VPS13A: variants seen among roughly 807,000 people sequenced by gnomAD.
VPS13A encodes the protein vacuolar protein sorting 13 homolog A, also known as intermembrane lipid transfer protein VPS13A.
A neutral mutation model predicts 390.9 loss-of-function variants in VPS13A; 264 were observed. The observed-to-expected ratio is 0.68, with a 90% CI of 0.61 to 0.75. The LOEUF (loss-of-function observed/expected upper bound fraction) is 0.75. VPS13A is among the 30% of genes least tolerant of loss of function. VPS13A has a pLI of 0.00. For missense variants in VPS13A, 3,409 were observed against 3,733.9 expected, an observed-to-expected ratio of 0.91 and a Z score of 2.27; for synonymous variants, 1,231 against 1,227.1, an observed-to-expected ratio of 1.00 and a Z score of -0.07.
At chr9:77,337,052 C>T (rs1830576942) in intron 46 of VPS13A, among the ~76,000 whole-genome samples, 1 of 151,984 alleles carries the variant, frequency 6.6e-6, no homozygotes, top group African/African-American at 2.4e-5. Context: ...CCGTCTCGGC[C>T]TCCCAAAGTG....
Position 77,209,510 on chromosome 9 carries a change from T to C in VPS13A, c.473T>C (p.Ile158Thr). 4 of 1,599,526 alleles carry C rather than the reference T, an allele frequency of 2.5e-6. No individual in the cohort carries two copies. The highest frequency in any genetic ancestry group is 3.4e-6 in the Non-Finnish European group (4 of 1,167,822). ...AATCTTCAGGTGAAAATTTCCAGTA[T>C]CCATATTCGTTATGAAGATGATGTA... Reference protein sequence around the residue: ...IKNLQVKISSIHIRYEDDITN... With the variant: ...IKNLQVKISSTHIRYEDDITN... Residue 158 changes from isoleucine (I) to threonine (T), a missense_variant, in exon 6 of 72, where the codon ATC becomes ACC. By Grantham distance (89) the Ile-to-Thr change is moderately conservative. Transcript: ENST00000360280.
rs1242639262 is a variant in VPS13A, at chr9:77,365,482, T to C, written c.8234T>C (p.Ile2745Thr). 8 of 1,610,494 alleles carry C rather than the reference T, an allele frequency of 5.0e-6. No individual in the cohort carries two copies. Among genetic ancestry groups the C allele is most frequent in the Admixed American group, 1.7e-5 (1 of 59,964 alleles). ...NTEVELFHKD[I>T]EAFKEEYKTA... is the part of the protein sequence containing the mutation. ...TAGGTTGAGCTTTTTCATAAAGATATAGAAGCTTTCAAAGAAGAATATAAA... is the reference window on the plus strand; with the variant it reads ...TAGGTTGAGCTTTTTCATAAAGATACAGAAGCTTTCAAAGAAGAATATAAA... Residue 2745 changes from isoleucine to threonine, a missense_variant, in exon 60 of 72, where the codon ATA (isoleucine) becomes ACA (threonine). By Grantham distance (89) the Ile-to-Thr change is moderately conservative. Around this residue, in one of 5 missense-constraint regions of VPS13A, gnomAD observed 123 missense variants for 118.7 expected, o/e 1.04. Coordinates refer to ENST00000360280, the MANE Select transcript of VPS13A (RefSeq NM_033305.3).
At chr9:77,388,225 G>A (rs1327997555) in intron 68 of VPS13A, among the ~76,000 whole-genome samples, 1 of 152,134 alleles carries the variant, frequency 6.6e-6, no homozygotes, top group Non-Finnish European at 1.5e-5. Flanking sequence ...AATTAAGAAT[G>A]CTTACACTGT....
chr9:77,321,609 T>C lies in VPS13A; in HGVS notation c.5693T>C (p.Val1898Ala). Residue 1898 changes from valine (V) to alanine (A), a missense_variant, in exon 44 of 72, where the codon GTA becomes GCA. Physicochemically the swap from Val to Ala is moderately conservative, Grantham distance 64. This residue lies in a region of VPS13A where 2,717 missense variants were observed against 2,917.4 expected (regional missense o/e 0.93). Transcript: ENST00000360280. ...GTTTCGCCAAGTGATTCTTTTAGTG[T>C]ACTCAACATTCCTATGGCAAAATCA... is the stretch of plus-strand genomic sequence containing the variant. Reference protein sequence around the residue: ...ISVSPSDSFSVLNIPMAKSYV... With the variant: ...ISVSPSDSFSALNIPMAKSYV... 1 of 1,613,466 alleles carries C rather than the reference T, an allele frequency of 6.2e-7. No homozygotes were observed.
At chr9:77,232,740 A>C (rs1823907597) in intron 17 of VPS13A, among the ~76,000 whole-genome samples, 1 of 152,120 alleles carries the variant, frequency 6.6e-6, no homozygotes. Context: ...ACCTCATGAG[A>C]CTTATTCACT....
rs1355926174 is a variant in VPS13A at position 77,370,494 on chromosome 9, C to T, written c.8823C>T (p.Tyr2941=). ...CAGCTATGACCATGGATGAAGACTA[C>T]CAACAGAAGAGAAGAGAAGCCATGA... ...GVAAMTMDED[Y]QQKRREAMNK... The change falls in exon 65 of 72, where the codon TAC becomes TAT. Residue 2941 remains tyrosine (Y), a synonymous_variant. Transcript: ENST00000360280. 1 of 1,614,012 alleles carries T rather than the reference C, an allele frequency of 6.2e-7. No homozygotes were observed. The highest frequency in any genetic ancestry group is 1.3e-5 in the African/African-American group (1 of 74,892).
At chr9:77,248,453 A>G (rs1005182825) in intron 20 of VPS13A, among the ~76,000 whole-genome samples, 5 of 151,774 alleles carry the variant, frequency 3.3e-5, no homozygotes, top group African/African-American at 1.2e-4. Context: ...CTCCTGACCT[A>G]GTGATCTGCC....
chr9:77,408,441 G>T (rs1022510615), intron 71 of VPS13A, among the ~76,000 whole-genome samples: 1 of 152,200 alleles, frequency 6.6e-6, no homozygotes, highest in Non-Finnish European at 1.5e-5. Flanking sequence ...TCGGAAAGTG[G>T]GTGCAGGACA....
intron 33 of VPS13A, among the ~76,000 whole-genome samples, chr9:77,302,463 C>T (rs565038457): frequency 4.9e-4 from 73 of 149,516 alleles, no homozygotes; most frequent in Admixed American, 2.3e-3. Context: ...ACCTCCACCT[C>T]CCAGGTTCAA....
In VPS13A at chr9:77,411,112, C is replaced by G. The variant is rs1385207697; in HGVS notation, c.9474+3505C>G. ...TCTCTCAGACCATAGTGCAATCAAA[C>G]TAGAACTCAGGATTAAGAAACTCAC... is the stretch of plus-strand genomic sequence containing the variant. On this transcript the variant is annotated intron_variant, in intron 71 of 71. Transcript: ENST00000360280. Among the ~76,000 whole-genome samples the G allele has an allele frequency of 2.0e-5, 3 of 152,120 alleles. No individual in the cohort carries two copies. The East Asian group carries it at 5.8e-4, about 29-fold the overall frequency.
At chr9:77,343,823 G>A (rs1830980304) in intron 50 of VPS13A, among the ~76,000 whole-genome samples, 1 of 152,112 alleles carries the variant, frequency 6.6e-6, no homozygotes, top group Admixed American at 6.5e-5. Context: ...CTGATCATCT[G>A]TGTCCCAGTT....
At chr9:77,212,388 C>G (rs578067706) in intron 7 of VPS13A, among the ~76,000 whole-genome samples, 1 of 152,120 alleles carries the variant, frequency 6.6e-6, no homozygotes, top group Admixed American at 6.5e-5. Context: ...CCCTGTCGAC[C>G]TTAGAATCAA....
At chr9:77,399,871 T>G (rs1834294216) in intron 68 of VPS13A, among the ~76,000 whole-genome samples, 1 of 152,322 alleles carries the variant, frequency 6.6e-6, no homozygotes, top group South Asian at 2.1e-4. Flanking sequence ...TACAAATATA[T>G]GTACATGTAT....
In VPS13A at chr9:77,406,000, G is replaced by C; in HGVS notation, c.9399+13G>C. ...CATTGAAGCAAAGGTATGTTGAATA[G>C]ATTTATTTTTTGAAAACTTGGAACT... On this transcript the variant is annotated intron_variant, in intron 70 of 71. Transcript: ENST00000360280. The C allele has an allele frequency of 6.2e-7, 1 of 1,613,064 alleles. No homozygotes were observed. The highest frequency in any genetic ancestry group is 1.1e-5 in the South Asian group (1 of 91,076).
intron 70 of VPS13A, among the ~76,000 whole-genome samples, chr9:77,407,287 C>CAATT (rs1834666338): frequency 1.3e-5 from 2 of 152,262 alleles, no homozygotes; most frequent in African/African-American, 4.8e-5. Context: ...ATGGCATTAG[C>CAATT]AATTAAAATA....
At chr9:77,203,480 G>T (rs1825449555) in intron 3 of VPS13A, among the ~76,000 whole-genome samples, 1 of 152,016 alleles carries the variant, frequency 6.6e-6, no homozygotes, top group African/African-American at 2.4e-5. Flanking sequence ...TAGAGACAGG[G>T]TTTTGCCATG....
intron 1 of VPS13A, among the ~76,000 whole-genome samples, chr9:77,198,561 C>CTT (rs141093512): frequency 6.6e-6 from 1 of 151,946 alleles, no homozygotes; most frequent in East Asian, 1.9e-4. Flanking sequence ...CATGGGCTTA[C>CTT]TTTTTTTTAA....
rs574755078 is a variant in VPS13A, at chr9:77,180,802, A to C, written c.100+2998A>C. Among the ~76,000 whole-genome samples, 15 of 152,286 alleles carry C rather than the reference A, an allele frequency of 9.8e-5. No individual in the cohort carries two copies. In the South Asian group the frequency reaches 3.1e-3, roughly 32 times the overall value. Reference sequence around the variant, plus strand: ...GTGTCTATCATTTCACCAATACTACACTGTCTTGATAACTGTGTCTTTGTA... The same window carrying C: ...GTGTCTATCATTTCACCAATACTACCCTGTCTTGATAACTGTGTCTTTGTA... On this transcript the variant is annotated intron_variant, in intron 1 of 71. Coordinates refer to ENST00000360280, the MANE Select transcript of VPS13A (RefSeq NM_033305.3).
chr9:77,281,111 T>C (rs1826998966), intron 27 of VPS13A, among the ~76,000 whole-genome samples: 2 of 151,540 alleles, frequency 1.3e-5, no homozygotes, highest in Admixed American at 1.3e-4. Flanking sequence ...AGCACAGTGA[T>C]GGTTACCAGA....
Sources: allele counts gnomAD v4.1 joint callset (sites outside exome capture counted in the v4.1 genomes callset), GRCh38; gene constraint gnomAD v4.1.1; regional missense constraint gnomAD v4.1.1; transcripts MANE v1.5; gene names NCBI Gene and HGNC (gene_info 2026-07-23, HGNC 2026-07-21).